The following GNAQ variants were observed in gnomAD, a reference collection of about 807,000 sequenced individuals.
GNAQ encodes guanine nucleotide-binding protein G(q) subunit alpha.
Under a neutral mutation model 43.9 loss-of-function variants are expected in GNAQ, and 8 were observed. The ratio of observed to expected loss-of-function variants is 0.18; its 90% CI spans 0.11 to 0.33. The LOEUF (loss-of-function observed/expected upper bound fraction) is 0.33, where lower values mean the gene tolerates loss of function less well. Ranked by LOEUF, GNAQ falls within the 10% of genes least tolerant of loss-of-function variation. The pLI, the probability that GNAQ is intolerant of heterozygous loss-of-function variation, is 1.00. For synonymous variants in GNAQ, 155 were observed against 170.7 expected (o/e 0.91, Z 0.71); for missense variants, 158 against 450.8 (o/e 0.35, Z 5.88).
intron 5 of GNAQ, among the ~76,000 whole-genome samples, chr9:77,760,994 G>A (rs1375866756): frequency 2.0e-5 from 3 of 151,894 alleles, no homozygotes; most frequent in South Asian, 4.2e-4. Context: ...TGAGAAGTGA[G>A]GAGACCCTCC....
chr9:77,861,712 G>A (rs540657257), intron 2 of GNAQ, among the ~76,000 whole-genome samples: 1 of 152,246 alleles, frequency 6.6e-6, no homozygotes, highest in South Asian at 2.1e-4. Context: ...ACTGATGCGT[G>A]ATGCATGAGG....
chr9:77,761,321 G>T (rs1826013495), intron 5 of GNAQ, among the ~76,000 whole-genome samples: 1 of 128,460 alleles, frequency 7.8e-6, no homozygotes, highest in African/African-American at 2.8e-5. Context: ...CGGGAGGGAG[G>T]TGGGGGGTCA....
intron 5 of GNAQ, among the ~76,000 whole-genome samples, chr9:77,755,878 G>C (rs1056671127): frequency 9.9e-5 from 15 of 152,276 alleles, no homozygotes; most frequent in Admixed American, 9.8e-4. Context: ...TTGGATTGAA[G>C]GATGCAAAGT....
chr9:77,824,423 G>A lies in GNAQ; in HGVS notation c.322-8653C>T, dbSNP rs76930362. Among the ~76,000 whole-genome samples the A allele has an allele frequency of 1.3e-3, 192 of 152,046 alleles. 2 individuals are homozygous for A. Among genetic ancestry groups the A allele is most frequent in the African/African-American group, 4.3e-3 (178 of 41,500 alleles). On this transcript the variant is annotated intron_variant, in intron 2 of 6. Coordinates refer to ENST00000286548, the MANE Select transcript of GNAQ (RefSeq NM_002072.5). Reference sequence around the variant, plus strand: ...AAATATTTTCATAGAACTATCTTTCGGTATTAGTTCAGAATAGTATTATTT... The same window carrying A: ...AAATATTTTCATAGAACTATCTTTCAGTATTAGTTCAGAATAGTATTATTT...
chr9:77,987,782 G>C (rs1003334327), intron 1 of GNAQ, among the ~76,000 whole-genome samples: 5 of 152,170 alleles, frequency 3.3e-5, no homozygotes, highest in East Asian at 1.9e-4. Flanking sequence ...TGCAGTCCCA[G>C]CTATTTGGGT....
At chr9:77,810,874 CTTACTG>C (rs945899503) in intron 3 of GNAQ, among the ~76,000 whole-genome samples, 4 of 152,162 alleles carry the variant, frequency 2.6e-5, no homozygotes, top group Non-Finnish European at 5.9e-5. Context: ...GACATAGTGA[CTTACTG>C]TTACTGGTGT....
intron 1 of GNAQ, among the ~76,000 whole-genome samples, chr9:77,938,872 T>G (rs1829272676): frequency 6.6e-6 from 1 of 152,214 alleles, no homozygotes; most frequent in African/African-American, 2.4e-5. Context: ...CAACTGAATA[T>G]TCAAAGCAGG....
intron 1 of GNAQ, among the ~76,000 whole-genome samples, chr9:77,983,766 A>G (rs1436997701): frequency 6.6e-6 from 1 of 152,070 alleles, no homozygotes. Context: ...CATCACCAGC[A>G]GGAGAATTTA....
chr9:77,829,531 A>G (rs777049015), intron 2 of GNAQ, among the ~76,000 whole-genome samples: 4 of 152,322 alleles, frequency 2.6e-5, no homozygotes, highest in African/African-American at 7.2e-5. Flanking sequence ...AGTGTTCACA[A>G]TAAAATTCCC....
chr9:77,986,682 C>G (rs1823441800), intron 1 of GNAQ, among the ~76,000 whole-genome samples: 1 of 151,846 alleles, frequency 6.6e-6, no homozygotes, highest in Non-Finnish European at 1.5e-5. Flanking sequence ...ATTTTTTTTA[C>G]TTCTGTAGAG....
At chr9:77,947,772 A>C (rs1822922088) in intron 1 of GNAQ, among the ~76,000 whole-genome samples, 3 of 152,158 alleles carry the variant, frequency 2.0e-5, no homozygotes, top group African/African-American at 7.2e-5. Context: ...GTGGAGCATG[A>C]GATTCTGCAT....
At chr9:77,779,827 C>G (rs1826363690) in intron 5 of GNAQ, among the ~76,000 whole-genome samples, 1 of 151,528 alleles carries the variant, frequency 6.6e-6, no homozygotes, top group Non-Finnish European at 1.5e-5. Flanking sequence ...CTAGATAAAA[C>G]AGACCAATTC....
chr9:77,895,421 G>A (rs1828483539), intron 2 of GNAQ, among the ~76,000 whole-genome samples: 1 of 152,124 alleles, frequency 6.6e-6, no homozygotes. Flanking sequence ...CTTGGTGAGG[G>A]GAATCTGACT....
intron 2 of GNAQ, among the ~76,000 whole-genome samples, chr9:77,863,644 A>G (rs1402463430): frequency 6.6e-6 from 1 of 151,826 alleles, no homozygotes; most frequent in Non-Finnish European, 1.5e-5. Flanking sequence ...AGTCCATTTC[A>G]CGCTGCTGAT....
chr9:77,925,987 CA>C (rs1265302869), intron 1 of GNAQ, among the ~76,000 whole-genome samples: 2 of 152,138 alleles, frequency 1.3e-5, no homozygotes, highest in East Asian at 3.9e-4. Flanking sequence ...ACTGTATTGT[CA>C]TTTGTATTAT....
At chr9:77,778,009 G>C (rs1453366083) in intron 5 of GNAQ, among the ~76,000 whole-genome samples, 5 of 151,866 alleles carry the variant, frequency 3.3e-5, no homozygotes, top group Admixed American at 3.3e-4. Flanking sequence ...AATTTGAATT[G>C]TATGTTCACA....
chr9:77,889,442 A>T (rs1828366324), intron 2 of GNAQ, among the ~76,000 whole-genome samples: 1 of 141,946 alleles, frequency 7.0e-6, no homozygotes, highest in African/African-American at 2.6e-5. Flanking sequence ...AAAAAAAAAA[A>T]AAAAAATCCT....
intron 1 of GNAQ, among the ~76,000 whole-genome samples, 181 bp downstream of exon 1, chr9:78,030,919 G>A (rs935355299): frequency 8.2e-5 from 12 of 146,424 alleles, no homozygotes; most frequent in Non-Finnish European, 1.5e-4. Context: ...GTGTGTGTGT[G>A]TCTGTGTGTA....
intron 1 of GNAQ, among the ~76,000 whole-genome samples, chr9:78,029,745 C>G (rs1256144436): frequency 6.6e-6 from 1 of 152,168 alleles, no homozygotes; most frequent in African/African-American, 2.4e-5. Context: ...CTTGAGCCAG[C>G]AAATGGAATG....
Sources: gnomAD v4.1 joint callset for allele counts (sites outside exome capture counted in the v4.1 genomes callset) on GRCh38, gnomAD v4.1.1 for gene constraint, MANE v1.5 for transcripts, NCBI Gene and HGNC (gene_info 2026-07-23, HGNC 2026-07-21) for gene names.